Variants in ANK3 observed in about 807,000 individuals in gnomAD.
The protein encoded by ANK3 is ankyrin-3.
In ANK3, 57 loss-of-function variants were observed where a neutral mutation model predicts 370.9. The ratio of observed to expected loss-of-function variants is 0.15; its 90% CI spans 0.12 to 0.19. The LOEUF (loss-of-function observed/expected upper bound fraction) is 0.19. Ranked by LOEUF, ANK3 falls within the 10% of genes least tolerant of loss-of-function variation. ANK3 has a pLI of 1.00. For missense variants in ANK3, 4,439 were observed against 5,302.1 expected, an observed-to-expected ratio of 0.84 and a Z score of 5.06; for synonymous variants, 1,929 against 1,946.3, an observed-to-expected ratio of 0.99 and a Z score of 0.23.
At chr10:60,518,614 T>C (rs2076278546) in intron 2 of ANK3, among the ~76,000 whole-genome samples, 1 of 152,174 alleles carries the variant, frequency 6.6e-6, no homozygotes, top group South Asian at 2.1e-4. Flanking sequence ...CGTAGCTGAC[T>C]ACTAGACACC....
intron 2 of ANK3, among the ~76,000 whole-genome samples, chr10:60,525,977 G>T (rs1380333301): frequency 6.6e-6 from 1 of 152,086 alleles, no homozygotes; most frequent in Non-Finnish European, 1.5e-5. Flanking sequence ...TTCAGAGATT[G>T]CAGAGAAAGG....
chr10:60,547,664 C>CAGAGAGACAGAGAG (rs1567136162), intron 2 of ANK3, among the ~76,000 whole-genome samples: 2 of 147,196 alleles, frequency 1.4e-5, no homozygotes, highest in African/African-American at 5.0e-5. Context: ...TGGAGACAGA[C>CAGAGAGACAGAGAG]AGAGAGACAG....
intron 23 of ANK3, among the ~76,000 whole-genome samples, chr10:60,153,369 G>A (rs1343931980): frequency 6.6e-6 from 1 of 152,126 alleles, no homozygotes; most frequent in Non-Finnish European, 1.5e-5. Flanking sequence ...CCTGGATGGG[G>A]GTGGTGAAAA....
chr10:60,313,929 T>TTTTTTTG (rs145494174), intron 1 of ANK3, among the ~76,000 whole-genome samples: 771 of 76,980 alleles, frequency 0.01, 2 homozygotes, highest in South Asian at 0.028. Context: ...TTTGTTTTTG[T>TTTTTTTG]TTTTTTTTTT....
At chr10:60,524,918 G>A (rs1425008718) in intron 2 of ANK3, among the ~76,000 whole-genome samples, 6 of 152,086 alleles carry the variant, frequency 3.9e-5, no homozygotes, top group African/African-American at 1.4e-4. Context: ...ATTGTGCAAT[G>A]TAATCATTGA....
Position 60,200,171 on chromosome 10 carries a change from C to T in ANK3, c.1449G>A (p.Arg483=), listed in dbSNP as rs1326714080. The change falls in exon 13 of 44, where the codon CGG becomes CGA. Residue 483 remains arginine (R), a synonymous_variant. Transcript: ENST00000280772. ...CCTGAGCTCCGTCTTGTACCAGATA[C>T]CGCACAACTTCAGCTTGGCCGGAGC... ...AARSGQAEVV[R]YLVQDGAQVE... 2 of 1,614,126 alleles carry T rather than the reference C, an allele frequency of 1.2e-6. No homozygotes were observed. Among genetic ancestry groups the T allele is most frequent in the Admixed American group, 1.7e-5 (1 of 60,012 alleles).
chr10:60,192,839 A>AT (rs1425039879), intron 16 of ANK3, among the ~76,000 whole-genome samples: 1 of 152,064 alleles, frequency 6.6e-6, no homozygotes, highest in Non-Finnish European at 1.5e-5. Flanking sequence ...CCCCAAATTG[A>AT]TTTTTTAAAA....
chr10:60,439,147 A>T (rs1236960553), intron 2 of ANK3, among the ~76,000 whole-genome samples: 1 of 152,196 alleles, frequency 6.6e-6, no homozygotes, highest in East Asian at 1.9e-4. Context: ...ATGATAGATT[A>T]TCTAGGAGCC....
At chr10:60,448,728 T>C (rs2064518053) in intron 2 of ANK3, among the ~76,000 whole-genome samples, 1 of 152,256 alleles carries the variant, frequency 6.6e-6, no homozygotes. Flanking sequence ...TATTTTGCGT[T>C]TGCTGGAAGC....
chr10:60,098,604 A>G (rs1252339778), intron 28 of ANK3, among the ~76,000 whole-genome samples: 1 of 152,216 alleles, frequency 6.6e-6, no homozygotes, highest in Non-Finnish European at 1.5e-5. Flanking sequence ...AAAAATCCTC[A>G]AATGATATAA....
chr10:60,670,491 T>C (rs1389555386), intron 1 of ANK3, among the ~76,000 whole-genome samples: 1 of 152,174 alleles, frequency 6.6e-6, no homozygotes, highest in African/African-American at 2.4e-5. Context: ...TAACCTAGCC[T>C]AGGCTCATTA....
chr10:60,234,553 A>G, intron 8 of ANK3, 135 bp downstream of exon 8: 1 of 558,904 alleles, frequency 1.8e-6, no homozygotes, highest in South Asian at 2.6e-5. Context: ...GAATAAAAGT[A>G]GCAGTCATTT....
chr10:60,124,319 G>A (rs183130607), intron 25 of ANK3, among the ~76,000 whole-genome samples: 63 of 150,254 alleles, frequency 4.2e-4, no homozygotes, highest in Non-Finnish European at 7.4e-4. Context: ...GTGCCACCAC[G>A]CCCAGCTGAT....
intron 18 of ANK3, among the ~76,000 whole-genome samples, chr10:60,177,846 C>T (rs979929704): frequency 3.3e-5 from 5 of 151,850 alleles, no homozygotes; most frequent in East Asian, 1.9e-4. Flanking sequence ...GTGATCTGGC[C>T]GCCGCGGCCT....
intron 1 of ANK3, among the ~76,000 whole-genome samples, chr10:60,706,083 C>T (rs573794599): frequency 1.1e-4 from 16 of 152,066 alleles, no homozygotes; most frequent in Non-Finnish European, 2.1e-4. Context: ...CTTGGTGTCC[C>T]AACGTGTTGG....
At chr10:60,437,303 G>A (rs143450312) in intron 2 of ANK3, among the ~76,000 whole-genome samples, 1 of 152,286 alleles carries the variant, frequency 6.6e-6, no homozygotes, top group East Asian at 1.9e-4. Flanking sequence ...AAAAAAAATT[G>A]AAATGCCACT....
chr10:60,306,453 ATC>A (rs1232839112), intron 1 of ANK3, among the ~76,000 whole-genome samples: 604 of 13,280 alleles, frequency 0.045, 1 homozygote, highest in Middle Eastern at 0.14. Flanking sequence ...ATATATATAT[ATC>A]TATCTTTATC....
chr10:60,250,640 C>T (rs868389166), intron 7 of ANK3, among the ~76,000 whole-genome samples: 20 of 152,260 alleles, frequency 1.3e-4, no homozygotes, highest in African/African-American at 4.1e-4. Flanking sequence ...TCTGGGATTA[C>T]GGGCATGAGC....
At chr10:60,053,125 G>T (rs978363580) in intron 42 of ANK3, among the ~76,000 whole-genome samples, 2 of 152,094 alleles carry the variant, frequency 1.3e-5, no homozygotes, top group African/African-American at 4.8e-5. Flanking sequence ...TTTCAGTAAA[G>T]GACAGTAAAT....
Sources: gnomAD v4.1 joint callset for allele counts (sites outside exome capture counted in the v4.1 genomes callset) on GRCh38, gnomAD v4.1.1 for gene constraint, MANE v1.5 for transcripts, NCBI Gene and HGNC (gene_info 2026-07-23, HGNC 2026-07-21) for gene names.